PAMR1: variants seen among roughly 807,000 people sequenced by gnomAD.
PAMR1 encodes the protein peptidase domain containing associated with muscle regeneration 1.
Under a neutral mutation model 81.8 loss-of-function variants are expected in PAMR1, and 88 were observed. The ratio of observed to expected loss-of-function variants is 1.08; its 90% confidence interval spans 0.91 to 1.28. The LOEUF is 1.28. Among genes scored for constraint, PAMR1 ranks in the 50% most tolerant of loss-of-function variants. The probability of loss-of-function intolerance (pLI) is 0.00; values close to 1 mark genes in which losing one functional copy is unlikely to be tolerated. For synonymous variants in PAMR1, 336 were observed against 345.3 expected, an observed-to-expected ratio of 0.97 and a Z score of 0.30; for missense variants, 935 against 919.7, an observed-to-expected ratio of 1.02 and a Z score of -0.21.
chr11:35,454,990 G>A (rs553294989), intron 6 of PAMR1, among the ~76,000 whole-genome samples: 37 of 152,308 alleles, frequency 2.4e-4, no homozygotes, highest in African/African-American at 7.5e-4. Flanking sequence ...TGTAAAGCAA[G>A]TAACCTTTTT....
intron 3 of PAMR1, among the ~76,000 whole-genome samples, chr11:35,490,801 CTT>C (rs1424923678): frequency 6.6e-6 from 1 of 152,162 alleles, no homozygotes; most frequent in African/African-American, 2.4e-5. Flanking sequence ...TCAAATCAAC[CTT>C]ATGAAGTTGG....
chr11:35,491,947 C>T, intron 3 of PAMR1, 98 bp downstream of exon 3: 2 of 1,172,564 alleles, frequency 1.7e-6, no homozygotes, highest in Non-Finnish European at 2.3e-6. Flanking sequence ...GCAGGCTTTC[C>T]AAAACTCAGA....
chr11:35,456,013 C>A (rs1856523042), intron 6 of PAMR1, among the ~76,000 whole-genome samples: 1 of 152,078 alleles, frequency 6.6e-6, no homozygotes. Flanking sequence ...ATAGTTCCAA[C>A]TAGTACTTGA....
At chr11:35,463,599 T>C (rs1565337153) in intron 6 of PAMR1, among the ~76,000 whole-genome samples, 1 of 152,194 alleles carries the variant, frequency 6.6e-6, no homozygotes, top group Non-Finnish European at 1.5e-5. Flanking sequence ...GGCCCCAGTT[T>C]CCTACACGGT....
rs763253267 is a variant in PAMR1, at chr11:35,432,377, C to A, written c.2142G>T (p.Trp714Cys). The A allele has an allele frequency of 2.0e-5, 33 of 1,612,526 alleles. No homozygotes were observed. Among genetic ancestry groups the A allele is most frequent in the Non-Finnish European group, 2.6e-5 (31 of 1,179,870 alleles). ...AFTKVLPFKD[W>C]IERNMK ...TGGTTCATTTCATATTTCTTTCAAT[C>A]CAGTCTTTAAAAGGCAGCACCTTGG... The change falls in exon 11 of 11, where the codon TGG becomes TGT. Residue 714 changes from tryptophan to cysteine, a missense_variant. Physicochemically the swap from Trp to Cys is radical, Grantham distance 215 (BLOSUM62 -2). Coordinates refer to ENST00000619888, the MANE Select transcript of PAMR1 (RefSeq NM_001001991.3).
intron 6 of PAMR1, among the ~76,000 whole-genome samples, chr11:35,449,756 A>T (rs77442329): frequency 0.019 from 2,848 of 152,200 alleles, 48 homozygotes; most frequent in Non-Finnish European, 0.03. Context: ...GGATCTCCTC[A>T]TCTGTGGGTT....
chr11:35,486,498 T>G (rs1372923444), intron 3 of PAMR1, among the ~76,000 whole-genome samples: 1 of 152,202 alleles, frequency 6.6e-6, no homozygotes, highest in Non-Finnish European at 1.5e-5. Context: ...GATGGGTAGA[T>G]TAATGCACGA....
intron 4 of PAMR1, among the ~76,000 whole-genome samples, chr11:35,473,445 C>T (rs1259314722): frequency 6.6e-6 from 1 of 152,182 alleles, no homozygotes; most frequent in Non-Finnish European, 1.5e-5. Flanking sequence ...GAAATATTAA[C>T]ATGCAGCATT....
At chr11:35,448,067 C>T (rs112926172) in intron 6 of PAMR1, among the ~76,000 whole-genome samples, 2,358 of 152,190 alleles carry the variant, frequency 0.015, 50 homozygotes, top group African/African-American at 0.055. Context: ...CTCTGGCTGC[C>T]CTTAACATTT....
intron 1 of PAMR1, among the ~76,000 whole-genome samples, chr11:35,505,815 G>T (rs938743925): frequency 1.1e-4 from 17 of 151,974 alleles, no homozygotes; most frequent in Non-Finnish European, 2.2e-4. Context: ...GTCATTCTAT[G>T]TCTTTTAGTT....
chr11:35,518,369 T>C (rs1851208367), intron 1 of PAMR1, among the ~76,000 whole-genome samples: 1 of 151,838 alleles, frequency 6.6e-6, no homozygotes, highest in Non-Finnish European at 1.5e-5. Context: ...AGGGATCCCA[T>C]GGTGGATGCA....
chr11:35,510,490 C>T (rs1480017601), intron 1 of PAMR1, among the ~76,000 whole-genome samples: 2 of 139,952 alleles, frequency 1.4e-5, no homozygotes, highest in African/African-American at 2.7e-5. Flanking sequence ...AAACAGTACA[C>T]TTTTTATCCC....
chr11:35,512,725 G>A (rs1565361044), intron 1 of PAMR1, among the ~76,000 whole-genome samples: 3 of 152,138 alleles, frequency 2.0e-5, no homozygotes, highest in African/African-American at 7.2e-5. Flanking sequence ...GGGCATGGTG[G>A]TTCATGCATG....
At chr11:35,492,218 G>T in intron 2 of PAMR1, 45 bp from the exon 3 acceptor site, 1 of 1,608,488 alleles carries the variant, frequency 6.2e-7, no homozygotes, top group Non-Finnish European at 8.5e-7. Flanking sequence ...AAGCACCTGC[G>T]AGTTCTGATC....
chr11:35,516,601 T>C (rs920349066), intron 1 of PAMR1, among the ~76,000 whole-genome samples: 2 of 152,088 alleles, frequency 1.3e-5, no homozygotes, highest in East Asian at 3.8e-4. Flanking sequence ...ACAAGAACAA[T>C]ATTTAGCGAA....
upstream of PAMR1, among the ~76,000 whole-genome samples, chr11:35,527,632 G>A (rs757838780): frequency 9.9e-5 from 15 of 152,172 alleles, no homozygotes; most frequent in Admixed American, 3.9e-4. Context: ...TTTGGTGATG[G>A]GAGTGGGAAG....
intron 3 of PAMR1, among the ~76,000 whole-genome samples, chr11:35,475,863 C>T (rs1311747204): frequency 2.0e-5 from 3 of 152,126 alleles, no homozygotes; most frequent in Non-Finnish European, 4.4e-5. Context: ...ACTTACTATC[C>T]GGCTATTCAC....
rs186929917 is a variant in PAMR1 at position 35,469,123 on chromosome 11, A to T, written c.713-1015T>A. On this transcript the variant is annotated intron_variant, in intron 5 of 10. Coordinates refer to ENST00000619888, the MANE Select transcript of PAMR1 (RefSeq NM_001001991.3). Reference sequence around the variant, plus strand: ...CCATAGCTTGTTGGAGCAAGAGAAAAGATTTAGGAGAGGAGGAAGAATGTA... The same window carrying T: ...CCATAGCTTGTTGGAGCAAGAGAAATGATTTAGGAGAGGAGGAAGAATGTA... 4.4e-4 allele frequency among the ~76,000 whole-genome samples: 67 copies of T among 152,370 alleles called. No homozygotes were observed. The East Asian group carries it at 0.013, about 29-fold the overall frequency.
intron 6 of PAMR1, among the ~76,000 whole-genome samples, chr11:35,452,645 T>C (rs1856441301): frequency 6.6e-6 from 1 of 152,186 alleles, no homozygotes; most frequent in Non-Finnish European, 1.5e-5. Context: ...TTTTCCAAAG[T>C]TCTATAATCA....
Sources: gnomAD v4.1 joint callset for allele counts (sites outside exome capture counted in the v4.1 genomes callset) on GRCh38, gnomAD v4.1.1 for gene constraint, MANE v1.5 for transcripts, NCBI Gene and HGNC (gene_info 2026-07-23, HGNC 2026-07-21) for gene names.